ANO10: variants seen among roughly 807,000 people sequenced by gnomAD.
The protein encoded by ANO10 is anoctamin 10.
ANO10 carries 77 observed loss-of-function variants against 74.7 expected under a neutral mutation model. That is an observed-to-expected ratio of 1.03 (90% CI 0.86 to 1.25). The LOEUF (loss-of-function observed/expected upper bound fraction) is 1.25. Ranked by LOEUF, ANO10 falls within the 50% of genes most tolerant of loss-of-function variation. ANO10 has a pLI of 0.00. For synonymous variants in ANO10, 279 were observed against 284.9 expected (o/e 0.98, Z 0.21); for missense variants, 721 against 778.1 (o/e 0.93, Z 0.87).
At chr3:43,370,189 G>A (rs1014942845) in intron 12 of ANO10, among the ~76,000 whole-genome samples, 13 of 152,214 alleles carry the variant, frequency 8.5e-5, no homozygotes, top group Non-Finnish European at 1.8e-4. Context: ...GTGAGCACTG[G>A]CAGAAGTGAT....
chr3:43,460,980 C>A, intron 11 of ANO10, among the ~76,000 whole-genome samples: 2 of 147,222 alleles, frequency 1.4e-5, no homozygotes, highest in African/African-American at 2.5e-5. Flanking sequence ...TATAATAGAA[C>A]TAAGAAGGGG....
chr3:43,449,733 CTTTG>C (rs35543552), intron 11 of ANO10, among the ~76,000 whole-genome samples: 33,532 of 151,844 alleles, frequency 0.22, 4,211 homozygotes, highest in Middle Eastern at 0.36. Context: ...TGCCAGTCCT[CTTTG>C]TTTTTCTTCA....
intron 2 of ANO10, among the ~76,000 whole-genome samples, chr3:43,602,980 T>C (rs577943297): frequency 3.3e-5 from 5 of 152,228 alleles, no homozygotes; most frequent in Non-Finnish European, 5.9e-5. Flanking sequence ...ACCATTTCCA[T>C]TCATCATTCC....
chr3:43,470,596 T>TTTCA (rs1553679593), intron 11 of ANO10, among the ~76,000 whole-genome samples: 1 of 143,908 alleles, frequency 6.9e-6, no homozygotes, highest in Non-Finnish European at 1.5e-5. Flanking sequence ...CTGGTAATTA[T>TTTCA]TTTATTTATT....
At chr3:43,508,566 T>C (rs958523916) in intron 11 of ANO10, among the ~76,000 whole-genome samples, 1 of 152,136 alleles carries the variant, frequency 6.6e-6, no homozygotes, top group African/African-American at 2.4e-5. Flanking sequence ...AATGATAGAC[T>C]GGATTAAGAA....
chr3:43,455,674 C>T (rs1489153689), intron 11 of ANO10, among the ~76,000 whole-genome samples: 2 of 152,170 alleles, frequency 1.3e-5, no homozygotes, highest in African/African-American at 2.4e-5. Flanking sequence ...ACCCTAAGAA[C>T]CCCTCTCAAA....
intron 1 of ANO10, among the ~76,000 whole-genome samples, chr3:43,672,967 G>C (rs2084077881): frequency 6.6e-6 from 1 of 152,186 alleles, no homozygotes; most frequent in Non-Finnish European, 1.5e-5. Flanking sequence ...CTCATGAACA[G>C]AGAAAAGTCT....
intron 12 of ANO10, among the ~76,000 whole-genome samples, chr3:43,421,564 C>T (rs1279594232): frequency 6.6e-6 from 1 of 151,980 alleles, no homozygotes; most frequent in Non-Finnish European, 1.5e-5. Flanking sequence ...GTGGCTCATA[C>T]CTGTAATCCC....
rs370803947 is a variant in ANO10, at chr3:43,501,730, T to C, written c.1797+47990A>G. 2.6e-5 allele frequency among the ~76,000 whole-genome samples: 4 copies of C among 152,336 alleles called. No individual in the cohort carries two copies. The South Asian group carries it at 6.2e-4, about 24-fold the overall frequency. On this transcript the variant is annotated intron_variant, in intron 11 of 12. Coordinates refer to ENST00000292246, the MANE Select transcript of ANO10 (RefSeq NM_018075.5). The stretch of plus-strand genomic sequence containing the variant: ...TAATAATGTCCACACATGACTGATA[T>C]TCTGCTGAATGGAACTAAATCTGTC...
intron 11 of ANO10, among the ~76,000 whole-genome samples, chr3:43,517,512 T>G (rs1026857588): frequency 6.6e-6 from 1 of 152,144 alleles, no homozygotes; most frequent in Non-Finnish European, 1.5e-5. Context: ...GGCCATGATA[T>G]GATAGGACTA....
intron 11 of ANO10, 135 bp downstream of exon 11, chr3:43,549,585 T>C: frequency 1.0e-6 from 1 of 961,596 alleles, no homozygotes; most frequent in Non-Finnish European, 1.7e-6. Flanking sequence ...TTCTATTACT[T>C]GAACTGTTTT....
intron 1 of ANO10, among the ~76,000 whole-genome samples, chr3:43,683,788 C>T (rs577409523): frequency 1.8e-4 from 28 of 152,148 alleles, no homozygotes; most frequent in African/African-American, 6.5e-4. Context: ...CATCTACAAC[C>T]ATCTGATCTT....
At chr3:43,625,915 C>A (rs1287660255), upstream of ANO10, among the ~76,000 whole-genome samples, 1 of 151,824 alleles carries the variant, frequency 6.6e-6, no homozygotes, top group Non-Finnish European at 1.5e-5. Flanking sequence ...TTAGAAAGAC[C>A]TCCACCTCTC....
chr3:43,624,181 C>T (rs1464703294), upstream of ANO10, among the ~76,000 whole-genome samples: 2 of 152,080 alleles, frequency 1.3e-5, no homozygotes, highest in East Asian at 1.9e-4. Flanking sequence ...ATAGTAGTCC[C>T]CCTTAGCCAC....
intron 11 of ANO10, chr3:43,485,780 G>A (rs1013963404): frequency 2.4e-5 from 6 of 248,560 alleles, no homozygotes; most frequent in African/African-American, 9.4e-5. Flanking sequence ...ATGATTAGGC[G>A]CAAAGATTTG....
intron 12 of ANO10, among the ~76,000 whole-genome samples, chr3:43,423,383 G>T (rs2092849082): frequency 6.6e-6 from 1 of 152,208 alleles, no homozygotes; most frequent in African/African-American, 2.4e-5. Flanking sequence ...TTTATTCAGA[G>T]TCTATTGGGC....
At chr3:43,620,265 TAA>T (rs1425220150) in intron 1 of ANO10, among the ~76,000 whole-genome samples, 2 of 152,120 alleles carry the variant, frequency 1.3e-5, no homozygotes, top group African/African-American at 4.8e-5. Flanking sequence ...ACAAAAATGC[TAA>T]GTGAGAAAAT....
At chr3:43,563,995 A>T (rs2149354776) in intron 8 of ANO10, among the ~76,000 whole-genome samples, 1 of 152,300 alleles carries the variant, frequency 6.6e-6, no homozygotes, top group East Asian at 1.9e-4. Flanking sequence ...CAACATATAG[A>T]AATGATAAAT....
chr3:43,470,548 G>T (rs1325726600), intron 11 of ANO10, among the ~76,000 whole-genome samples: 3 of 151,688 alleles, frequency 2.0e-5, no homozygotes, highest in African/African-American at 7.3e-5. Context: ...TTTCACCGTG[G>T]TCTCGATCTC....
Sources: gnomAD v4.1 joint callset for allele counts (sites outside exome capture counted in the v4.1 genomes callset) on GRCh38, gnomAD v4.1.1 for gene constraint, MANE v1.5 for transcripts, NCBI Gene and HGNC (gene_info 2026-07-23, HGNC 2026-07-21) for gene names.